The following ZC4H2 variants were observed in gnomAD, a reference collection of about 807,000 sequenced individuals.
ZC4H2 encodes zinc finger C4H2 domain-containing protein.
For synonymous variants in ZC4H2, 84 were observed against 66.3 expected, an observed-to-expected ratio of 1.27 and a Z score of -1.30; for missense variants, 137 against 173.9, an observed-to-expected ratio of 0.79 and a Z score of 1.19.
At chrX:65,028,124 A>G (rs1490782991) in intron 1 of ZC4H2, among the ~76,000 whole-genome samples, 1 of 111,418 alleles carries the variant, frequency 9.0e-6, no homozygotes, top group Non-Finnish European at 1.9e-5. Flanking sequence ...TCCCTAATCT[A>G]TGTATATATA....
upstream of ZC4H2, among the ~76,000 whole-genome samples, chrX:64,977,144 A>C (rs140710550): frequency 8.9e-6 from 1 of 111,937 alleles, no homozygotes; most frequent in Non-Finnish European, 1.9e-5. Context: ...AGAGGCTGAA[A>C]ATTTACCTAT....
chrX:65,023,245 G>C (rs1336789327), intron 1 of ZC4H2, among the ~76,000 whole-genome samples: 4 of 111,890 alleles, frequency 3.6e-5, no homozygotes, highest in Non-Finnish European at 1.9e-5. Context: ...ATCACCTTAA[G>C]AAGATTTTGG....
chrX:65,016,693 T>G (rs758064179), intron 1 of ZC4H2, among the ~76,000 whole-genome samples: 20 of 111,848 alleles, frequency 1.8e-4, no homozygotes, highest in Non-Finnish European at 3.2e-4. Flanking sequence ...ATTAAAAAAC[T>G]GGGAACAGAG....
chrX:65,016,694 G>T (rs1932799779), intron 1 of ZC4H2, among the ~76,000 whole-genome samples: 1 of 111,712 alleles, frequency 9.0e-6, no homozygotes, highest in South Asian at 3.7e-4. Flanking sequence ...TTAAAAAACT[G>T]GGAACAGAGC....
chrX:64,927,884 G>A (rs934295748), intron 1 of ZC4H2, among the ~76,000 whole-genome samples: 1 of 112,585 alleles, frequency 8.9e-6, no homozygotes, highest in African/African-American at 3.2e-5. Context: ...GACCAGTGAT[G>A]ATGAGCTTTT....
intron 1 of ZC4H2, among the ~76,000 whole-genome samples, chrX:64,955,874 C>A (rs1396454195): frequency 8.9e-6 from 1 of 111,847 alleles, no homozygotes; most frequent in East Asian, 2.8e-4. Context: ...ACGGTACACA[C>A]GTTGCCTCAT....
intron 1 of ZC4H2, among the ~76,000 whole-genome samples, chrX:64,928,632 C>CCTTCTTCTTCTT (rs753426558): frequency 0.031 from 2,593 of 83,304 alleles, 85 homozygotes; most frequent in African/African-American, 0.073. Flanking sequence ...CCTGCTTTCT[C>CCTTCTTCTTCTT]CTTCTTCTTC....
chrX:65,014,676 A>T (rs7064626), intron 1 of ZC4H2, among the ~76,000 whole-genome samples: 13,737 of 111,432 alleles, frequency 0.12, 2,052 homozygotes, highest in African/African-American at 0.42. Context: ...TGGGTGAATA[A>T]ACTATCTCCA....
intron 1 of ZC4H2, among the ~76,000 whole-genome samples, chrX:64,996,827 A>G (rs1311809243): frequency 1.8e-5 from 2 of 111,299 alleles, no homozygotes; most frequent in South Asian, 7.5e-4. Context: ...AGAAAGGTGA[A>G]TAGAGCCTAA....
intron 1 of ZC4H2, among the ~76,000 whole-genome samples, chrX:64,923,013 G>A (rs1414228272): frequency 4.5e-5 from 5 of 111,468 alleles, no homozygotes; most frequent in South Asian, 3.8e-4. Flanking sequence ...ATTGTATACC[G>A]TGTGGCTCAG....
intron 1 of ZC4H2, among the ~76,000 whole-genome samples, chrX:65,033,451 G>A (rs746948643): frequency 8.9e-6 from 1 of 111,948 alleles, no homozygotes; most frequent in Non-Finnish European, 1.9e-5. Flanking sequence ...TGGGAAATAT[G>A]TCTAAGCACT....
intron 1 of ZC4H2, among the ~76,000 whole-genome samples, chrX:64,990,834 A>G (rs1221992550): frequency 3.6e-5 from 4 of 111,624 alleles, no homozygotes; most frequent in African/African-American, 1.3e-4. Flanking sequence ...GAGAGAAACA[A>G]TATGCCTTCT....
At chrX:65,009,048 T>C (rs1053832189) in intron 1 of ZC4H2, among the ~76,000 whole-genome samples, 2 of 112,235 alleles carry the variant, frequency 1.8e-5, no homozygotes, top group Non-Finnish European at 3.8e-5. Context: ...TTACACATTT[T>C]ACGATAGTAT....
chrX:64,959,893 T>C (rs1026546851), intron 1 of ZC4H2, among the ~76,000 whole-genome samples: 24 of 111,390 alleles, frequency 2.2e-4, no homozygotes, highest in Admixed American at 1.8e-3. Context: ...GTGTCTTAAA[T>C]GACAAAATCT....
At chrX:64,978,632 A>T (rs1932019898), upstream of ZC4H2, among the ~76,000 whole-genome samples, 1 of 111,917 alleles carries the variant, frequency 8.9e-6, no homozygotes, top group Non-Finnish European at 1.9e-5. Context: ...ACTGACTCAG[A>T]TAGGGAAAGT....
chrX:64,953,454 A>T (rs950483945), intron 1 of ZC4H2, among the ~76,000 whole-genome samples: 1 of 112,034 alleles, frequency 8.9e-6, no homozygotes, highest in Non-Finnish European at 1.9e-5. Context: ...GAATCTGCAA[A>T]GAACTGAAAC....
At chrX:64,963,580 A>G (rs1177986417) in intron 1 of ZC4H2, among the ~76,000 whole-genome samples, 1 of 111,857 alleles carries the variant, frequency 8.9e-6, no homozygotes, top group Admixed American at 9.5e-5. Context: ...CTACAAACCA[A>G]TAGTACAAAA....
intron 1 of ZC4H2, among the ~76,000 whole-genome samples, chrX:64,983,897 A>G (rs950837551): frequency 8.9e-6 from 1 of 111,850 alleles, no homozygotes; most frequent in Admixed American, 9.5e-5. Context: ...TCTTGACCCA[A>G]CATTTCACTT....
chrX:64,998,700 G>C (rs1342744612), intron 1 of ZC4H2, among the ~76,000 whole-genome samples: 1 of 110,124 alleles, frequency 9.1e-6, no homozygotes, highest in Admixed American at 9.6e-5. Flanking sequence ...ATTGAGAGTG[G>C]GATATTAAAG....
Sources: gnomAD v4.1 joint callset for allele counts (sites outside exome capture counted in the v4.1 genomes callset) on GRCh38, gnomAD v4.1.1 for gene constraint, MANE v1.5 for transcripts, NCBI Gene and HGNC (gene_info 2026-07-23, HGNC 2026-07-21) for gene names.